Variants in NBEA observed in about 807,000 individuals in gnomAD.
The protein encoded by NBEA is lysosomal-trafficking regulator 2.
A neutral mutation model predicts 343.4 loss-of-function variants in NBEA; 44 were observed. The ratio of observed to expected loss-of-function variants is 0.13; its 90% CI spans 0.10 to 0.16. NBEA has a LOEUF of 0.16. NBEA is among the 10% of genes least tolerant of loss of function. The pLI, the probability that NBEA is intolerant of heterozygous loss-of-function variation, is 1.00. For missense variants in NBEA, 2,555 were observed against 3,631.3 expected, an observed-to-expected ratio of 0.70 and a Z score of 7.62; for synonymous variants, 1,175 against 1,238.7, an observed-to-expected ratio of 0.95 and a Z score of 1.08.
rs1363004176 is a variant in NBEA, at chr13:34,942,893, G to A, written c.73G>A (p.Ala25Thr). Residue 25 changes from alanine to threonine, a missense_variant, in exon 1 of 59, where the codon GCT becomes ACT. Transcript: ENST00000379939. ...CGTGGGGCTCATTGCCGTCGGGGCC[G>A]CTGGCGGAGGCGGCGGGGGCAGCGG... Reference protein sequence around the residue: ...QPVGLIAVGAAGGGGGGSGGG... With the variant: ...QPVGLIAVGATGGGGGGSGGG... The A allele has an allele frequency of 2.0e-5, 29 of 1,460,870 alleles. No homozygotes were observed. The Middle Eastern group carries it at 9.8e-4, about 50-fold the overall frequency. The allele number at this position is 1,460,870 out of a possible 1,614,324, so 90.5% of individuals were successfully genotyped here.
intron 13 of NBEA, among the ~76,000 whole-genome samples, chr13:35,113,586 C>CATCTATCTGTCTATCT (rs1555307448): frequency 6.8e-6 from 1 of 146,694 alleles, no homozygotes; most frequent in Non-Finnish European, 1.5e-5. Context: ...CTCCTCCACT[C>CATCTATCTGTCTATCT]ATCTATCTAT....
At chr13:35,075,163 C>T (rs571948346) in intron 10 of NBEA, among the ~76,000 whole-genome samples, 1 of 152,268 alleles carries the variant, frequency 6.6e-6, no homozygotes, top group Non-Finnish European at 1.5e-5. Flanking sequence ...AGCTCTGACT[C>T]TAAACCACTG....
At chr13:35,350,345 G>A (rs1178971471) in intron 37 of NBEA, among the ~76,000 whole-genome samples, 3 of 152,042 alleles carry the variant, frequency 2.0e-5, no homozygotes, top group Non-Finnish European at 4.4e-5. Flanking sequence ...GATTCCCTAA[G>A]GAGTCCTTTT....
rs1164368103 is a variant in NBEA at position 35,627,950 on chromosome 13, A to G, written c.7450-131A>G. The G allele has an allele frequency of 4.6e-6, 3 of 654,972 alleles. No individual in the cohort carries two copies. The African/African-American group carries it at 5.6e-5, about 12-fold the overall frequency. The allele number at this position is 654,972 out of a possible 1,614,324, so 40.6% of individuals were successfully genotyped here. A position where few individuals can be genotyped will look rare whatever the true frequency, so the allele number is the denominator to read the frequency against. On this transcript the variant is annotated intron_variant, in intron 48 of 58. Transcript: ENST00000379939. The stretch of plus-strand genomic sequence containing the variant: ...TCTAGGAACTGAAGATCTGATACAT[A>G]TAAATCAAGTACAGAAATTTAAAGA...
intron 35 of NBEA, among the ~76,000 whole-genome samples, chr13:35,291,863 T>C (rs554770341): frequency 1.8e-4 from 28 of 152,072 alleles, no homozygotes; most frequent in Admixed American, 5.9e-4. Context: ...GTGAGAAATT[T>C]AAGCTCTCTA....
At chr13:35,620,505 G>A (rs2082934701) in intron 48 of NBEA, among the ~76,000 whole-genome samples, 2 of 152,148 alleles carry the variant, frequency 1.3e-5, no homozygotes. Flanking sequence ...AGTAGGACAA[G>A]AGGACTGAGT....
intron 1 of NBEA, 54 bp from the exon 2 acceptor site, chr13:35,040,879 T>C: frequency 1.4e-6 from 2 of 1,414,382 alleles, no homozygotes; most frequent in Non-Finnish European, 2.0e-6. Flanking sequence ...TTCATTCTAC[T>C]GTCATCGATA....
At chr13:35,357,520 G>C (rs1440433790) in intron 38 of NBEA, among the ~76,000 whole-genome samples, 1 of 151,902 alleles carries the variant, frequency 6.6e-6, no homozygotes, top group Non-Finnish European at 1.5e-5. Flanking sequence ...TCATCATTTA[G>C]CTCCCACTTG....
At chr13:35,154,507 A>G (rs1045096014) in intron 18 of NBEA, among the ~76,000 whole-genome samples, 3 of 152,216 alleles carry the variant, frequency 2.0e-5, no homozygotes, top group African/African-American at 7.2e-5. Flanking sequence ...TAAGAGATAA[A>G]CACAAACTCA....
At chr13:35,106,564 C>T (rs2065928537) in intron 11 of NBEA, among the ~76,000 whole-genome samples, 1 of 151,746 alleles carries the variant, frequency 6.6e-6, no homozygotes, top group Non-Finnish European at 1.5e-5. Flanking sequence ...AAGATAAGTA[C>T]TACTAAGAGG....
chr13:34,963,241 C>T (rs1456335402), intron 1 of NBEA, among the ~76,000 whole-genome samples: 3 of 151,980 alleles, frequency 2.0e-5, no homozygotes, highest in Non-Finnish European at 2.9e-5. Context: ...GGACTGGTTT[C>T]TTCTGAACCT....
At chr13:35,640,762 A>G (rs1420099386) in intron 49 of NBEA, among the ~76,000 whole-genome samples, 3 of 152,224 alleles carry the variant, frequency 2.0e-5, no homozygotes, top group South Asian at 4.1e-4. Flanking sequence ...TATGTGTCAT[A>G]TATGTGTTTG....
intron 35 of NBEA, among the ~76,000 whole-genome samples, chr13:35,303,718 C>T (rs2036701691): frequency 6.6e-6 from 1 of 152,098 alleles, no homozygotes. Flanking sequence ...TGTAATCTTT[C>T]TGTCTCTCCT....
chr13:35,165,625 A>G (rs184422871), intron 24 of NBEA, among the ~76,000 whole-genome samples: 16 of 151,650 alleles, frequency 1.1e-4, no homozygotes, highest in Non-Finnish European at 1.5e-4. Context: ...AGAGTTGTGT[A>G]TGATTTTTAA....
chr13:35,574,374 C>A (rs1593260971), intron 45 of NBEA, among the ~76,000 whole-genome samples: 2 of 109,782 alleles, frequency 1.8e-5, no homozygotes, highest in African/African-American at 8.7e-5. Context: ...AGTTTTTATA[C>A]ACTATCAAAA....
intron 41 of NBEA, among the ~76,000 whole-genome samples, chr13:35,524,226 G>A (rs529722987): frequency 6.6e-6 from 1 of 152,286 alleles, no homozygotes; most frequent in African/African-American, 2.4e-5. Context: ...GAAGAGCTGT[G>A]CTACAGACTC....
In NBEA at chr13:35,265,460, A is replaced by G. The variant is rs1038361268; in HGVS notation, c.5777-24929A>G. Among the ~76,000 whole-genome samples the G allele has an allele frequency of 2.0e-5, 3 of 151,966 alleles. No homozygotes were observed. In the South Asian group the frequency reaches 6.2e-4, roughly 31 times the overall value. On this transcript the variant is annotated intron_variant, in intron 34 of 58. Transcript: ENST00000379939. ...TGAGGCATCACATTAGCTGACTGCA[A>G]AACATACTACAAAGCTATAGTAACC... is the stretch of plus-strand genomic sequence containing the variant.
At chr13:35,428,904 A>G (rs978146623) in intron 38 of NBEA, among the ~76,000 whole-genome samples, 1 of 152,110 alleles carries the variant, frequency 6.6e-6, no homozygotes, top group Non-Finnish European at 1.5e-5. Flanking sequence ...TATCTGCTAG[A>G]TGGTGGTAGA....
intron 38 of NBEA, among the ~76,000 whole-genome samples, chr13:35,409,184 G>A (rs948078388): frequency 2.0e-5 from 3 of 152,116 alleles, no homozygotes; most frequent in East Asian, 3.9e-4. Context: ...ATGAGATCCT[G>A]TCCTTCACGG....
Sources: allele counts gnomAD v4.1 joint callset (sites outside exome capture counted in the v4.1 genomes callset), GRCh38; gene constraint gnomAD v4.1.1; transcripts MANE v1.5; gene names NCBI Gene and HGNC (gene_info 2026-07-23, HGNC 2026-07-21).